The following DNAAF5 variants were observed in gnomAD, a reference collection of about 807,000 sequenced individuals.
DNAAF5 encodes the protein dynein axonemal assembly factor 5.
A neutral mutation model predicts 75.8 loss-of-function variants in DNAAF5; 64 were observed. That is an observed-to-expected ratio of 0.84 (90% CI 0.69 to 1.04). DNAAF5 has a LOEUF of 1.04. DNAAF5 is among the 50% of genes least tolerant of loss of function. The pLI is 0.00. For synonymous variants in DNAAF5, 657 were observed against 557.2 expected (o/e 1.18, Z -2.52); for missense variants, 1,269 against 1,178.5 (o/e 1.08, Z -1.12).
chr7:785,811 A>T lies in DNAAF5; in HGVS notation c.*158A>T. The stretch of plus-strand genomic sequence containing the variant: ...CTGCCCACTCTTTCCCTGGAATAAC[A>T]GCCTCTGAGTGGATTCTGCATGTTA... On this transcript the variant is annotated 3_prime_UTR_variant, in exon 13 of 13. Transcript: ENST00000297440. 1.3e-6 allele frequency: 1 copy of T among 746,248 alleles called. No homozygotes were observed. Among genetic ancestry groups the T allele is most frequent in the Non-Finnish European group, 2.1e-6 (1 of 474,280 alleles). The allele number at this position is 746,248 out of a possible 1,614,324, so 46.2% of individuals were successfully genotyped here.
At chr7:749,466 C>T (rs932968978) in intron 4 of DNAAF5, among the ~76,000 whole-genome samples, 4 of 152,190 alleles carry the variant, frequency 2.6e-5, no homozygotes, top group African/African-American at 7.2e-5. Flanking sequence ...AACGCTGCCA[C>T]GTGACAGCCT....
At position 775,099 on chromosome 7, in the gene DNAAF5, A is replaced by G. The variant is rs1046740643; in HGVS notation, c.2176A>G (p.Asn726Asp). The G allele has an allele frequency of 7.4e-6, 12 of 1,614,104 alleles. No homozygotes were observed. Among genetic ancestry groups the G allele is most frequent in the Non-Finnish European group, 1.0e-5 (12 of 1,180,016 alleles). The change falls in exon 11 of 13, where the codon AAC (asparagine) becomes GAC (aspartate). Residue 726 changes from asparagine to aspartate, a missense_variant. Physicochemically the swap from Asn to Asp is conservative, Grantham distance 23 (BLOSUM62 1). Transcript: ENST00000297440. ...GCGACTGATCTCATGCCGTATTATC[A>G]ACACGTTCTTAAAAACCTCGGGCGG... ...MTRLISCRII[N>D]TFLKTSGGMT... is the part of the protein sequence containing the mutation.
chr7:727,129 G>T lies in DNAAF5; in HGVS notation c.409G>T (p.Ala137Ser). 1.7e-6 allele frequency: 2 copies of T among 1,189,266 alleles called. No individual in the cohort carries two copies. The allele number at this position is 1,189,266 out of a possible 1,614,324, so 73.7% of individuals were successfully genotyped here. ...GPVPARRPPEACEELRLALVQ... is the reference protein window; with the variant it reads ...GPVPARRPPESCEELRLALVQ... ...CGTGCCCGCGCGCCGCCCGCCCGAG[G>T]CCTGTGAGGAGCTGCGCCTGGCGCT... The change falls in exon 1 of 13, where the codon GCC becomes TCC. Residue 137 changes from alanine (A) to serine (S), a missense_variant. Ala to Ser is a moderately conservative substitution (Grantham distance 99, BLOSUM62 1). Transcript: ENST00000297440.
intron 8 of DNAAF5, among the ~76,000 whole-genome samples, chr7:767,403 G>T (rs1250219674): frequency 6.6e-6 from 1 of 152,144 alleles, no homozygotes; most frequent in Non-Finnish European, 1.5e-5. Context: ...CTTTCATCCA[G>T]CAATCACATT....
At chr7:745,606 TAC>T (rs1370378303) in intron 4 of DNAAF5, among the ~76,000 whole-genome samples, 1 of 151,824 alleles carries the variant, frequency 6.6e-6, no homozygotes, top group African/African-American at 2.4e-5. Flanking sequence ...CGTATACACA[TAC>T]ACACCTGTGC....
chr7:749,068 G>A (rs1193034681), intron 4 of DNAAF5, among the ~76,000 whole-genome samples: 1 of 151,776 alleles, frequency 6.6e-6, no homozygotes, highest in Non-Finnish European at 1.5e-5. Flanking sequence ...CAGACACAGC[G>A]TAAGTTTCCA....
chr7:780,704 C>G (rs768154597), intron 12 of DNAAF5, among the ~76,000 whole-genome samples: 2 of 152,360 alleles, frequency 1.3e-5, no homozygotes, highest in Non-Finnish European at 2.9e-5. Context: ...CACAGGCCGT[C>G]CCTTGAAGGT....
In DNAAF5 at chr7:785,287, A is replaced by C. The variant is rs559953964; in HGVS notation, c.2432-230A>C. 4.7e-5 allele frequency among the ~76,000 whole-genome samples: 7 copies of C among 147,662 alleles called. 1 individual carries two copies. Among genetic ancestry groups the C allele is most frequent in the African/African-American group, 1.7e-4 (7 of 40,410 alleles). Reference sequence around the variant, plus strand: ...TGTGAGTCGGGTCACTCGTATCCACATTGTGACTACTGTGTCCCCATCCAG... The same window carrying C: ...TGTGAGTCGGGTCACTCGTATCCACCTTGTGACTACTGTGTCCCCATCCAG... On this transcript the variant is annotated intron_variant, in intron 12 of 12. Transcript: ENST00000297440.
intron 6 of DNAAF5, among the ~76,000 whole-genome samples, chr7:759,060 G>A (rs952504239): frequency 1.3e-5 from 2 of 152,130 alleles, no homozygotes; most frequent in African/African-American, 2.4e-5. Flanking sequence ...AATCAGGCCC[G>A]TGGTTCTGTG....
intron 9 of DNAAF5, among the ~76,000 whole-genome samples, chr7:773,738 G>C (rs767682342): frequency 4.6e-5 from 7 of 152,130 alleles, no homozygotes; most frequent in Non-Finnish European, 8.8e-5. Flanking sequence ...TTGAAGCTAG[G>C]AGCGGCGAGG....
chr7:758,474 C>G (rs1045423411), intron 6 of DNAAF5, among the ~76,000 whole-genome samples: 23 of 152,246 alleles, frequency 1.5e-4, no homozygotes, highest in African/African-American at 5.5e-4. Context: ...ACACGGGACC[C>G]CTGGGAAGCC....
chr7:742,787 C>G (rs1326527669), intron 4 of DNAAF5, among the ~76,000 whole-genome samples: 4 of 151,162 alleles, frequency 2.6e-5, no homozygotes, highest in Admixed American at 6.6e-5. Flanking sequence ...ATGCCCAGCT[C>G]AAATCAATCA....
At chr7:732,747 A>G (rs1238022058) in intron 2 of DNAAF5, among the ~76,000 whole-genome samples, 1 of 152,064 alleles carries the variant, frequency 6.6e-6, no homozygotes, top group African/African-American at 2.4e-5. Flanking sequence ...CCCTTGTCAG[A>G]TGGGTATTTG....
intron 5 of DNAAF5, 96 bp from the exon 6 acceptor site, chr7:756,686 G>T: frequency 9.3e-7 from 1 of 1,080,240 alleles, no homozygotes; most frequent in South Asian, 1.3e-5. Flanking sequence ...TCTGTCTGGT[G>T]CACGGCTGTG....
intron 9 of DNAAF5, chr7:772,716 C>G (rs1252006321): frequency 6.6e-6 from 1 of 152,446 alleles, no homozygotes; most frequent in East Asian, 1.9e-4. Flanking sequence ...TGCATGGTGG[C>G]AAGTGCCTGT....
intron 6 of DNAAF5, among the ~76,000 whole-genome samples, chr7:757,815 C>T (rs114023909): frequency 1.3e-3 from 198 of 152,364 alleles, no homozygotes; most frequent in African/African-American, 4.6e-3. Context: ...CGGGCCTCAG[C>T]TCACCCCTGG....
At position 756,830 on chromosome 7, in the gene DNAAF5, T is replaced by C; in HGVS notation, c.1306T>C (p.Phe436Leu). Residue 436 changes from phenylalanine (F) to leucine (L), a missense_variant, in exon 6 of 13, where the codon TTT (phenylalanine) becomes CTT (leucine). Physicochemically the swap from Phe to Leu is conservative, Grantham distance 22. Coordinates refer to ENST00000297440, the MANE Select transcript of DNAAF5 (RefSeq NM_017802.4). ...CGGGACGTTTGTCAGCCCTGAGGTG[T>C]TTCTGAAGCTGATCTTATCGACGCT... ...LVGTFVSPEV[F>L]LKLILSTLKK... 6.2e-7 allele frequency: 1 copy of C among 1,613,920 alleles called. No homozygotes were observed. The highest frequency in any genetic ancestry group is 8.5e-7 in the Non-Finnish European group (1 of 1,179,988).
intron 4 of DNAAF5, among the ~76,000 whole-genome samples, chr7:749,897 C>G (rs1392636008): frequency 6.6e-6 from 1 of 152,186 alleles, no homozygotes; most frequent in Non-Finnish European, 1.5e-5. Context: ...CAGGGTTTCA[C>G]CATATCAGTC....
At chr7:783,128 C>A (rs969546040) in intron 12 of DNAAF5, among the ~76,000 whole-genome samples, 1 of 152,242 alleles carries the variant, frequency 6.6e-6, no homozygotes. Flanking sequence ...GAGTGAGGGA[C>A]TTGGGCCGTT....
Sources: gnomAD v4.1 joint callset for allele counts (sites outside exome capture counted in the v4.1 genomes callset) on GRCh38, gnomAD v4.1.1 for gene constraint, MANE v1.5 for transcripts, NCBI Gene and HGNC (gene_info 2026-07-23, HGNC 2026-07-21) for gene names.